The following ADAMTS4 variants were observed in gnomAD, a reference collection of about 807,000 sequenced individuals.
ADAMTS4 encodes ADAM metallopeptidase with thrombospondin type 1 motif 4.
ADAMTS4 carries 38 observed loss-of-function variants against 66.7 expected under a neutral mutation model. The observed-to-expected ratio is 0.57, with a 90% CI of 0.44 to 0.75. The LOEUF is 0.75. ADAMTS4 is among the 30% of genes least tolerant of loss of function. The probability of loss-of-function intolerance (pLI) is 0.00; values close to 1 mark genes in which losing one functional copy is unlikely to be tolerated. For missense variants in ADAMTS4, 1,014 were observed against 1,116.7 expected, an observed-to-expected ratio of 0.91 and a Z score of 1.31; for synonymous variants, 418 against 461.5, an observed-to-expected ratio of 0.91 and a Z score of 1.21.
Position 161,198,614 on chromosome 1 carries a change from C to T in ADAMTS4, c.14G>A (p.Gly5Asp), listed in dbSNP as rs1173869137. The T allele has an allele frequency of 2.6e-6, 4 of 1,529,406 alleles. No individual in the cohort carries two copies. In the East Asian group the frequency reaches 9.5e-5, roughly 36 times the overall value. 94.7% of individuals were successfully genotyped at this position (1,529,406 alleles called of 1,614,324 possible). MSQT[G>D]SHPGRGLAGR... is the part of the protein sequence containing the mutation. Reference sequence around the variant, plus strand: ...TGCCAAGCCCCTCCCGGGATGCGAGCCTGTCTGGGACATGGCACTGGTACT... The same window carrying T: ...TGCCAAGCCCCTCCCGGGATGCGAGTCTGTCTGGGACATGGCACTGGTACT... Residue 5 changes from glycine to aspartate, a missense_variant, in exon 1 of 9, where the codon GGC becomes GAC. Gly to Asp is a moderately conservative substitution (Grantham distance 94). Coordinates refer to ENST00000367996, the MANE Select transcript of ADAMTS4 (RefSeq NM_005099.6). The surrounding 1 kb of genome is among the most constrained non-coding windows in gnomAD (Gnocchi z 4.7).
At position 161,184,872 on chromosome 1, in the gene ADAMTS4, T is replaced by G. The variant is rs995689578; in HGVS notation, c.*6266A>C. The G allele has an allele frequency of 5.9e-5, 9 of 151,662 alleles. No individual in the cohort carries two copies. The highest frequency in any genetic ancestry group is 1.2e-4 in the Non-Finnish European group (8 of 67,960). The allele number at this position is 151,662 out of a possible 1,614,324, so 9.4% of individuals were successfully genotyped here. On this transcript the variant is annotated 3_prime_UTR_variant, in exon 9 of 9. Coordinates refer to ENST00000367996, the MANE Select transcript of ADAMTS4 (RefSeq NM_005099.6). ...GTCTCTATACTAAAAATACAAAAAA[T>G]TAGCTGGGCATGGTGGTGCATACCT... is the stretch of plus-strand genomic sequence containing the variant.
rs114660159 is a variant in ADAMTS4 at position 161,187,901 on chromosome 1, C to T, written c.*3237G>A. 8.2e-3 allele frequency: 1,251 copies of T among 152,556 alleles called. 23 individuals carry two copies. The highest frequency in any genetic ancestry group is 0.029 in the African/African-American group (1,189 of 41,428). The allele number at this position is 152,556 out of a possible 1,614,324, so 9.5% of individuals were successfully genotyped here. A position where few individuals can be genotyped will look rare whatever the true frequency, so the allele number is the denominator to read the frequency against. On this transcript the variant is annotated 3_prime_UTR_variant, in exon 9 of 9. Coordinates refer to ENST00000367996, the MANE Select transcript of ADAMTS4 (RefSeq NM_005099.6). Reference sequence around the variant, plus strand: ...TGCAGGGTCTACCTACCACCCTTGCCCATCCCTGTTCCATCCATGACACAT... The same window carrying T: ...TGCAGGGTCTACCTACCACCCTTGCTCATCCCTGTTCCATCCATGACACAT...
chr1:161,198,264 C>T lies in ADAMTS4; in HGVS notation c.364G>A (p.Ala122Thr), dbSNP rs1329976901. 1 of 1,613,958 alleles carries T rather than the reference C, an allele frequency of 6.2e-7. No homozygotes were observed. The highest frequency in any genetic ancestry group is 1.3e-5 in the African/African-American group (1 of 75,036). ...LGQAPELLGG[A>T]EPGTYLTGTI... Reference sequence around the variant, plus strand: ...CCAGTCAGGTAGGTGCCAGGCTCTGCTCCACCCAGCAGCTCAGGCGCCTGG... The same window carrying T: ...CCAGTCAGGTAGGTGCCAGGCTCTGTTCCACCCAGCAGCTCAGGCGCCTGG... Residue 122 changes from alanine (A) to threonine (T), a missense_variant, in exon 1 of 9, where the codon GCA (alanine) becomes ACA (threonine). Transcript: ENST00000367996. The surrounding 1 kb of genome is among the most constrained non-coding windows in gnomAD (Gnocchi z 4.7).
In ADAMTS4 at chr1:161,193,630, T is replaced by C. The variant is rs1048617488; in HGVS notation, c.1735+10A>G. ...CCCTCCCAAGGGCTCCCATCCCCCCTACTCCTCACCTGAGCCAGTTGGGCA... is the reference window on the plus strand; with the variant it reads ...CCCTCCCAAGGGCTCCCATCCCCCCCACTCCTCACCTGAGCCAGTTGGGCA... On this transcript the variant is annotated intron_variant, in intron 6 of 8. Coordinates refer to ENST00000367996, the MANE Select transcript of ADAMTS4 (RefSeq NM_005099.6). This position sits in a 1 kb window ranked among gnomAD's most constrained non-coding sequence, Gnocchi z 4.4. 14 of 1,603,234 alleles carry C rather than the reference T, an allele frequency of 8.7e-6. No individual in the cohort carries two copies. Among genetic ancestry groups the C allele is most frequent in the Non-Finnish European group, 1.1e-5 (13 of 1,174,022 alleles).
chr1:161,192,991 G>A (rs1397197117), intron 7 of ADAMTS4, among the ~76,000 whole-genome samples: 5 of 152,176 alleles, frequency 3.3e-5, no homozygotes, highest in African/African-American at 7.2e-5. Flanking sequence ...AAGAAACCAC[G>A]GGAAATAGGA....
intron 7 of ADAMTS4, 127 bp from the exon 8 acceptor site, chr1:161,192,367 T>C (rs1454385500): frequency 2.5e-6 from 2 of 787,590 alleles, no homozygotes; most frequent in African/African-American, 1.7e-5. Flanking sequence ...GTAGGGGATG[T>C]AGATGGGTGA....
At position 161,196,786 on chromosome 1, in the gene ADAMTS4, A is replaced by G. The variant is rs1327205041; in HGVS notation, c.728T>C (p.Leu243Pro). 6.2e-7 allele frequency: 1 copy of G among 1,612,710 alleles called. No homozygotes were observed. The highest frequency in any genetic ancestry group is 8.5e-7 in the Non-Finnish European group (1 of 1,180,024). The change falls in exon 2 of 9, where the codon CTA becomes CCA. Residue 243 changes from leucine (L) to proline (P), a missense_variant. By Grantham distance (98) the Leu-to-Pro change is moderately conservative. Coordinates refer to ENST00000367996, the MANE Select transcript of ADAMTS4 (RefSeq NM_005099.6). ...CTTGGCTGCTGCTGCCATCACTGTT[A>G]GCAGGTAGCGCTTTAGCCCCGCACC... ...FHGAGLKRYL[L>P]TVMAAAAKAF...
In ADAMTS4 at chr1:161,194,146, T is replaced by G. The variant is rs76156735; in HGVS notation, c.1337A>C (p.Asp446Ala). The change falls in exon 5 of 9, where the codon GAC becomes GCC. Residue 446 changes from aspartate (D) to alanine (A), a missense_variant. Coordinates refer to ENST00000367996, the MANE Select transcript of ADAMTS4 (RefSeq NM_005099.6). This position sits in a 1 kb window ranked among gnomAD's most constrained non-coding sequence, Gnocchi z 4.1. ...VTFPGKDYDA[D>A]RQCQLTFGPD... ...CCCGAAGGTCAGCTGGCACTGGCGG[T>G]CAGCATCATAGTCCTTGCCAGGGAA... 1 of 1,614,126 alleles carries G rather than the reference T, an allele frequency of 6.2e-7. No homozygotes were observed. Among genetic ancestry groups the G allele is most frequent in the Non-Finnish European group, 8.5e-7 (1 of 1,180,022 alleles).
intron 3 of ADAMTS4, chr1:161,195,934 GACACACACACACACACACAC>G: frequency 2.3e-6 from 1 of 439,658 alleles, no homozygotes; most frequent in Non-Finnish European, 4.0e-6. Context: ...CACACACACA[GACACACACACACACACACAC>G]ACACACACAG....
rs546046388 is a variant in ADAMTS4 at position 161,191,160 on chromosome 1, C to T, written c.2492G>A (p.Arg831His). ...RAQILEILRR[R>H]PWAGRK ...AGGTTATTTCCTGCCCGCCCAGGGG[C>T]GCCGCCGAAGGATCTCCAGAATCTG... is the stretch of plus-strand genomic sequence containing the variant. Residue 831 changes from arginine to histidine, a missense_variant, in exon 9 of 9, where the codon CGC becomes CAC. By Grantham distance (29) the Arg-to-His change is conservative. Coordinates refer to ENST00000367996, the MANE Select transcript of ADAMTS4 (RefSeq NM_005099.6). 16 of 1,561,234 alleles carry T rather than the reference C, an allele frequency of 1.0e-5. No homozygotes were observed. Among genetic ancestry groups the T allele is most frequent in the African/African-American group, 9.5e-5 (7 of 73,702 alleles).
Position 161,188,231 on chromosome 1 carries a change from C to CTTTTTTTTTTTTT in ADAMTS4, c.*2894_*2906dup. On this transcript the variant is annotated 3_prime_UTR_variant, in exon 9 of 9. Transcript: ENST00000367996. ...CAGGTGTGAGCCACCATGCCTGGCC[C>CTTTTTTTTTTTTT]TTTTTTTTTTTTTTTTTTTTTTTTT... 1.7e-5 allele frequency: 1 copy of CTTTTTTTTTTTTT among 58,708 alleles called. No homozygotes were observed. The highest frequency in any genetic ancestry group is 3.2e-5 in the Non-Finnish European group (1 of 31,626). The allele number at this position is 58,708 out of a possible 1,614,324, so 3.6% of individuals were successfully genotyped here. A position where few individuals can be genotyped will look rare whatever the true frequency, so the allele number is the denominator to read the frequency against.
At position 161,193,242 on chromosome 1, in the gene ADAMTS4, G is replaced by A; in HGVS notation, c.1882C>T (p.Leu628=). ...QCKLTCQAQA[L]GYYYVLEPRV... is the part of the protein sequence containing the mutation. ...GGCTCCAGCACATAGTAGTAGCCCAGTGCCTGGGCCTGGCAGGTGAGTTTG... is the reference window on the plus strand; with the variant it reads ...GGCTCCAGCACATAGTAGTAGCCCAATGCCTGGGCCTGGCAGGTGAGTTTG... Residue 628 remains leucine (L), a synonymous_variant, in exon 7 of 9, where the codon CTG becomes TTG. Coordinates refer to ENST00000367996, the MANE Select transcript of ADAMTS4 (RefSeq NM_005099.6). This position sits in a 1 kb window ranked among gnomAD's most constrained non-coding sequence, Gnocchi z 4.4. The A allele has an allele frequency of 2.5e-6, 4 of 1,613,950 alleles. No individual in the cohort carries two copies. Among genetic ancestry groups the A allele is most frequent in the Non-Finnish European group, 3.4e-6 (4 of 1,179,944 alleles).
chr1:161,194,320 A>G lies in ADAMTS4; in HGVS notation c.1262-99T>C. The G allele has an allele frequency of 8.8e-7, 1 of 1,139,476 alleles. No homozygotes were observed. Among genetic ancestry groups the G allele is most frequent in the Non-Finnish European group, 1.3e-6 (1 of 798,388 alleles). The allele number at this position is 1,139,476 out of a possible 1,614,324, so 70.6% of individuals were successfully genotyped here. A position where few individuals can be genotyped will look rare whatever the true frequency, so the allele number is the denominator to read the frequency against. On this transcript the variant is annotated intron_variant, in intron 4 of 8. Transcript: ENST00000367996. The surrounding 1 kb of genome is among the most constrained non-coding windows in gnomAD (Gnocchi z 4.1). Reference sequence around the variant, plus strand: ...GGCTCCCTGGGGCCTGATGGAGCCTAGAAAAACAATCCTAGGACTATAAGA... The same window carrying G: ...GGCTCCCTGGGGCCTGATGGAGCCTGGAAAAACAATCCTAGGACTATAAGA...
rs759876916 is a variant in ADAMTS4, at chr1:161,193,800, A to G, written c.1575T>C (p.Pro525=). Residue 525 remains proline (P), a synonymous_variant, in exon 6 of 9, where the codon CCT becomes CCC. Transcript: ENST00000367996. The surrounding 1 kb of genome is among the most constrained non-coding windows in gnomAD (Gnocchi z 4.4). ...GAGAGCAGTCACCCCATGGTCCCCA[A>G]GGACCCCAGCCACCAGCCTGTGGAA... ...FNIPQAGGWG[P]WGPWGDCSRT... 1 of 1,610,174 alleles carries G rather than the reference A, an allele frequency of 6.2e-7. No homozygotes were observed.
At position 161,191,217 on chromosome 1, in the gene ADAMTS4, G is replaced by A; in HGVS notation, c.2435C>T (p.Pro812Leu). The A allele has an allele frequency of 6.2e-7, 1 of 1,611,936 alleles. No individual in the cohort carries two copies. The highest frequency in any genetic ancestry group is 8.5e-7 in the Non-Finnish European group (1 of 1,178,636). ...VPRPTPSTPR[P>L]TPQDWLHRRA... The stretch of plus-strand genomic sequence containing the variant: ...TCGGTGCAGCCAGTCCTGGGGAGTG[G>A]GGCGTGGCGTTGAAGGGGTCGGCCG... Residue 812 changes from proline (P) to leucine (L), a missense_variant, in exon 9 of 9, where the codon CCC becomes CTC. Transcript: ENST00000367996.
intron 7 of ADAMTS4, among the ~76,000 whole-genome samples, 197 bp from the exon 8 acceptor site, chr1:161,192,437 C>T (rs41270043): frequency 0.013 from 1,991 of 152,190 alleles, 27 homozygotes; most frequent in Non-Finnish European, 0.021. Flanking sequence ...CATATAACAT[C>T]TAGCCAGCAT....
rs1485164817 is a variant in ADAMTS4 at position 161,189,323 on chromosome 1, A to C, written c.*1815T>G. On this transcript the variant is annotated 3_prime_UTR_variant, in exon 9 of 9. Coordinates refer to ENST00000367996, the MANE Select transcript of ADAMTS4 (RefSeq NM_005099.6). ...CAGCTAATAAGACGCCGAGCCCCAAATTGAATCCAGACCCGCTGGCTCCCA... is the reference window on the plus strand; with the variant it reads ...CAGCTAATAAGACGCCGAGCCCCAACTTGAATCCAGACCCGCTGGCTCCCA... The C allele has an allele frequency of 6.6e-6, 1 of 152,160 alleles. No homozygotes were observed. 9.4% of individuals were successfully genotyped at this position (152,160 alleles called of 1,614,324 possible).
chr1:161,193,106 G>A lies in ADAMTS4; in HGVS notation c.1911+107C>T. The A allele has an allele frequency of 1.6e-6, 2 of 1,286,576 alleles. No homozygotes were observed. The highest frequency in any genetic ancestry group is 2.1e-6 in the Non-Finnish European group (2 of 949,138). The allele number at this position is 1,286,576 out of a possible 1,614,324, so 79.7% of individuals were successfully genotyped here. A position where few individuals can be genotyped will look rare whatever the true frequency, so the allele number is the denominator to read the frequency against. ...TGGAATCCTGGACTGGGCTGGCGTGGCTGTAGGAACAGGGTTACTTTGGGT... is the reference window on the plus strand; with the variant it reads ...TGGAATCCTGGACTGGGCTGGCGTGACTGTAGGAACAGGGTTACTTTGGGT... On this transcript the variant is annotated intron_variant, in intron 7 of 8. Transcript: ENST00000367996. The surrounding 1 kb of genome is among the most constrained non-coding windows in gnomAD (Gnocchi z 4.4).
rs1462360396 is a variant in ADAMTS4 at position 161,188,896 on chromosome 1, A to ATATATATATATATATATATATAT, written c.*2241_*2242insATATATATATATATATATATATA. 3.1e-5 allele frequency: 4 copies of ATATATATATATATATATATATAT among 128,630 alleles called. No homozygotes were observed. The highest frequency in any genetic ancestry group is 1.1e-4 in the African/African-American group (4 of 34,844). The allele number at this position is 128,630 out of a possible 1,614,324, so 8.0% of individuals were successfully genotyped here. ...CCATGCCCGGCTAATATATATATAT[A>ATATATATATATATATATATATAT]TATATATATATATTTTGTATTTTTA... On this transcript the variant is annotated 3_prime_UTR_variant, in exon 9 of 9. Coordinates refer to ENST00000367996, the MANE Select transcript of ADAMTS4 (RefSeq NM_005099.6).
Sources: gnomAD v4.1 joint callset for allele counts (sites outside exome capture counted in the v4.1 genomes callset) on GRCh38, gnomAD v4.1.1 for gene constraint, Gnocchi (gnomAD v3.1) non-coding constraint, MANE v1.5 for transcripts, NCBI Gene and HGNC (gene_info 2026-07-23, HGNC 2026-07-21) for gene names.